The following TBC1D32 variants were observed in gnomAD, a reference collection of about 807,000 sequenced individuals.
TBC1D32 encodes the protein TBC1 domain family member 32.
In TBC1D32, 151 loss-of-function variants were observed where a neutral mutation model predicts 170.3. The ratio of observed to expected loss-of-function variants is 0.89; its 90% CI spans 0.78 to 1.01. The LOEUF is 1.01. Among genes scored for constraint, TBC1D32 ranks in the 50% least tolerant of loss-of-function variants. TBC1D32 has a pLI of 0.00. For synonymous variants in TBC1D32, 498 were observed against 488.0 expected (o/e 1.02, Z -0.27); for missense variants, 1,464 against 1,457.1 (o/e 1.00, Z -0.08).
At chr6:121,193,903 C>T (rs1051577877) in intron 22 of TBC1D32, among the ~76,000 whole-genome samples, 5 of 152,092 alleles carry the variant, frequency 3.3e-5, no homozygotes, top group Non-Finnish European at 7.4e-5. Context: ...GACTGGGTCC[C>T]CCTGAGGAAG....
At chr6:121,288,742 CA>C (rs1804316786) in intron 12 of TBC1D32, among the ~76,000 whole-genome samples, 1 of 151,974 alleles carries the variant, frequency 6.6e-6, no homozygotes, top group Non-Finnish European at 1.5e-5. Flanking sequence ...AACATCGATG[CA>C]AAAATCCTCA....
At chr6:121,286,903 A>T (rs1803942316) in intron 12 of TBC1D32, among the ~76,000 whole-genome samples, 1 of 152,212 alleles carries the variant, frequency 6.6e-6, no homozygotes, top group Admixed American at 6.5e-5. Context: ...AGCCAAACTA[A>T]GCTTCAAAAG....
Position 121,080,877 on chromosome 6 carries a change from T to C in TBC1D32, c.3668A>G (p.His1223Arg). 1.9e-6 allele frequency: 3 copies of C among 1,611,466 alleles called. No homozygotes were observed. The highest frequency in any genetic ancestry group is 1.7e-4 in the Middle Eastern group (1 of 6,048). Residue 1223 changes from histidine (H) to arginine (R), a missense_variant, in exon 32 of 32, where the codon CAT becomes CGT. Coordinates refer to ENST00000398212, the MANE Select transcript of TBC1D32 (RefSeq NM_152730.6). ...LQVFLKEEALHGFRVSDYFEY... is the reference protein window; with the variant it reads ...LQVFLKEEALRGFRVSDYFEY... ...AAAATAATCACTCACTCGAAACCCA[T>C]GCAGTGCTTCTTCCTGCCAAAAATT... is the stretch of plus-strand genomic sequence containing the variant.
intron 22 of TBC1D32, among the ~76,000 whole-genome samples, chr6:121,173,330 T>C (rs1787323307): frequency 6.6e-6 from 1 of 152,152 alleles, no homozygotes. Flanking sequence ...TCCTTGAAGA[T>C]GGCCTATTGT....
chr6:121,244,582 A>G (rs917816999), intron 17 of TBC1D32, among the ~76,000 whole-genome samples: 3 of 152,060 alleles, frequency 2.0e-5, no homozygotes, highest in African/African-American at 7.2e-5. Context: ...ATCCTCTACT[A>G]TGATTTGTCA....
chr6:121,136,262 A>G (rs954894911), intron 24 of TBC1D32, among the ~76,000 whole-genome samples: 9 of 152,198 alleles, frequency 5.9e-5, no homozygotes, highest in Admixed American at 5.2e-4. Flanking sequence ...ACATGTAACA[A>G]CCTGGGTCAA....
At chr6:121,260,102 C>T (rs1799569829) in intron 15 of TBC1D32, among the ~76,000 whole-genome samples, 1 of 152,102 alleles carries the variant, frequency 6.6e-6, no homozygotes, top group African/African-American at 2.4e-5. Flanking sequence ...AATATACTGA[C>T]ATTAGGGGTT....
intron 26 of TBC1D32, among the ~76,000 whole-genome samples, chr6:121,116,445 C>T (rs1360967711): frequency 5.9e-5 from 9 of 152,100 alleles, no homozygotes; most frequent in Non-Finnish European, 1.3e-4. Flanking sequence ...TACATGAATT[C>T]AGAAGATGAA....
chr6:121,208,144 C>T (rs562416111), intron 21 of TBC1D32, among the ~76,000 whole-genome samples: 1 of 152,070 alleles, frequency 6.6e-6, no homozygotes, highest in South Asian at 2.1e-4. Context: ...GCCTAATCCC[C>T]AGAACCTGTA....
At chr6:121,090,623 G>C (rs2128175193) in intron 31 of TBC1D32, among the ~76,000 whole-genome samples, 1 of 152,254 alleles carries the variant, frequency 6.6e-6, no homozygotes, top group Admixed American at 6.5e-5. Context: ...GTTACAAAGT[G>C]TTGGATCCAG....
In TBC1D32 at chr6:121,303,761, C is replaced by T. The variant is rs1181596375; in HGVS notation, c.936G>A (p.Lys312=). 3 of 1,516,174 alleles carry T rather than the reference C, an allele frequency of 2.0e-6. No individual in the cohort carries two copies. The South Asian group carries it at 4.0e-5, about 20-fold the overall frequency. The allele number at this position is 1,516,174 out of a possible 1,614,324, so 93.9% of individuals were successfully genotyped here. Residue 312 remains lysine, a splice_region_variant and synonymous_variant, in exon 9 of 32, where the codon AAG becomes AAA. Coordinates refer to ENST00000398212, the MANE Select transcript of TBC1D32 (RefSeq NM_152730.6). The part of the protein sequence containing the change: ...APSFWIRHPE[K]YMEEIVESTL... ...TACTCTCCACAATTTCTTCCATATA[C>T]CTTAAAGTTTGGGAAAAAAGAAATA...
intron 26 of TBC1D32, among the ~76,000 whole-genome samples, chr6:121,121,896 T>C (rs901906504): frequency 8.5e-5 from 13 of 152,176 alleles, no homozygotes; most frequent in African/African-American, 2.9e-4. Context: ...TGGCTTTATA[T>C]ACCAAGCTGA....
At chr6:121,135,831 G>T (rs1010465254) in intron 24 of TBC1D32, among the ~76,000 whole-genome samples, 30 of 152,054 alleles carry the variant, frequency 2.0e-4, no homozygotes, top group African/African-American at 6.3e-4. Flanking sequence ...TCCCAGAAAG[G>T]TCACACCTTG....
At position 121,256,259 on chromosome 6, in the gene TBC1D32, T is replaced by C. The variant is rs1035588513; in HGVS notation, c.1760A>G (p.Gln587Arg). The C allele has an allele frequency of 4.3e-6, 7 of 1,613,274 alleles. No individual in the cohort carries two copies. The highest frequency in any genetic ancestry group is 1.3e-5 in the African/African-American group (1 of 74,860). The change falls in exon 16 of 32, where the codon CAG becomes CGG. Residue 587 changes from glutamine (Q) to arginine (R), a missense_variant. Physicochemically the swap from Gln to Arg is conservative, Grantham distance 43. Coordinates refer to ENST00000398212, the MANE Select transcript of TBC1D32 (RefSeq NM_152730.6). ...ESPTGAHIIA[Q>R]FSKKLLDEDI... ...TTCATCGAGAAGTTTTTTCGAAAAC[T>C]GGGCAATTATATGAGCACCTGTAGG...
intron 1 of TBC1D32, among the ~76,000 whole-genome samples, chr6:121,324,225 GTAATACTCA>G (rs1309930297): frequency 2.0e-5 from 3 of 152,004 alleles, no homozygotes; most frequent in Non-Finnish European, 4.4e-5. Flanking sequence ...ATAAATAAAT[GTAATACTCA>G]TATCTTTACC....
chr6:121,281,143 TA>T (rs1802925033), intron 14 of TBC1D32, among the ~76,000 whole-genome samples: 1 of 151,718 alleles, frequency 6.6e-6, no homozygotes, highest in South Asian at 2.1e-4. Flanking sequence ...TAGTTCTTCT[TA>T]ATATAAAACA....
Position 121,274,314 on chromosome 6 carries a change from CAG to C in TBC1D32, c.1733+4805_1733+4806del, listed in dbSNP as rs754388190. Among the ~76,000 whole-genome samples, 7 of 151,482 alleles carry C rather than the reference CAG, an allele frequency of 4.6e-5. 1 individual carries two copies. Among genetic ancestry groups the C allele is most frequent in the Admixed American group, 1.3e-4 (2 of 15,216 alleles). On this transcript the variant is annotated intron_variant, in intron 15 of 31. Transcript: ENST00000398212. ...TGCGACTGCACTCCAGCCTGGGCGA[CAG>C]AGTCATGAGACTCTGTCTCAAAAAC... is the stretch of plus-strand genomic sequence containing the variant.
intron 19 of TBC1D32, among the ~76,000 whole-genome samples, chr6:121,240,317 C>A (rs9398626): frequency 8.7e-6 from 1 of 114,708 alleles, no homozygotes; most frequent in African/African-American, 3.4e-5. Flanking sequence ...GAATTTTATT[C>A]TAAGTAGAAG....
At chr6:121,240,752 G>A (rs1428573428) in intron 19 of TBC1D32, among the ~76,000 whole-genome samples, 1 of 151,666 alleles carries the variant, frequency 6.6e-6, no homozygotes, top group Non-Finnish European at 1.5e-5. Flanking sequence ...GCCAGGCGTG[G>A]TGGTGGCCTC....
Sources: gnomAD v4.1 joint callset for allele counts (sites outside exome capture counted in the v4.1 genomes callset) on GRCh38, gnomAD v4.1.1 for gene constraint, MANE v1.5 for transcripts, NCBI Gene and HGNC (gene_info 2026-07-23, HGNC 2026-07-21) for gene names.